Variants in KDM3A observed in about 807,000 individuals in gnomAD.
The protein encoded by KDM3A is lysine demethylase 3A.
KDM3A carries 60 observed loss-of-function variants against 158.0 expected under a neutral mutation model. The ratio of observed to expected loss-of-function variants is 0.38; its 90% CI spans 0.31 to 0.47. The LOEUF is 0.47. KDM3A is among the 20% of genes least tolerant of loss of function. The pLI is 0.99. For missense variants in KDM3A, 1,319 were observed against 1,574.3 expected, an observed-to-expected ratio of 0.84 and a Z score of 2.74; for synonymous variants, 608 against 549.3, an observed-to-expected ratio of 1.11 and a Z score of -1.49.
At chr2:86,466,927 G>T in intron 10 of KDM3A, 44 bp downstream of exon 10, 3 of 1,405,800 alleles carry the variant, frequency 2.1e-6, no homozygotes, top group Non-Finnish European at 2.9e-6. Flanking sequence ...GTAAGAAATG[G>T]TAGATATATA....
At chr2:86,446,843 A>T (rs1158786746) in intron 2 of KDM3A, among the ~76,000 whole-genome samples, 1 of 152,148 alleles carries the variant, frequency 6.6e-6, no homozygotes, top group Non-Finnish European at 1.5e-5. Flanking sequence ...ATGGGGTCTC[A>T]CTCTGTCACC....
In KDM3A at chr2:86,452,264, G is replaced by A. The variant is rs1004152190; in HGVS notation, c.453+1051G>A. Among the ~76,000 whole-genome samples the A allele has an allele frequency of 6.0e-5, 9 of 149,628 alleles. No homozygotes were observed. In the Admixed American group the frequency reaches 6.0e-4, roughly 10 times the overall value. ...AAAAGCAGTGCTGAAGTGCCATGAT[G>A]TGTCTTAAGAACAAAATACATGTGT... On this transcript the variant is annotated intron_variant, in intron 4 of 25. Coordinates refer to ENST00000312912, the MANE Select transcript of KDM3A (RefSeq NM_018433.6).
chr2:86,454,405 A>G (rs1298069289), intron 4 of KDM3A, among the ~76,000 whole-genome samples: 5 of 152,154 alleles, frequency 3.3e-5, no homozygotes, highest in African/African-American at 4.8e-5. Context: ...AATATGGAAA[A>G]AAGGGCTGCC....
intron 12 of KDM3A, 71 bp downstream of exon 12, chr2:86,475,061 C>A (rs974429820): frequency 1.5e-5 from 18 of 1,218,684 alleles, no homozygotes; most frequent in Non-Finnish European, 2.0e-5. Flanking sequence ...ACACCTAAGT[C>A]CTAATTGCTT....
chr2:86,442,078 G>C lies in KDM3A; in HGVS notation c.31G>C (p.Val11Leu). Reference protein sequence around the residue: MVLTLGESWPVLVGRRFLSLS... With the variant: MVLTLGESWPLLVGRRFLSLS... ...GCTCACGCTCGGAGAAAGTTGGCCG[G>C]TATTGGTGGGGAGGAGGTTTCTCAG... The change falls in exon 2 of 26, where the codon GTA (valine) becomes CTA (leucine). Residue 11 changes from valine (V) to leucine (L), a missense_variant. Transcript: ENST00000312912. The C allele has an allele frequency of 2.5e-6, 4 of 1,614,180 alleles. No homozygotes were observed. The highest frequency in any genetic ancestry group is 3.4e-6 in the Non-Finnish European group (4 of 1,180,016).
chr2:86,482,134 T>TA (rs768146830), intron 17 of KDM3A, 32 bp downstream of exon 17: 1 of 1,602,154 alleles, frequency 6.2e-7, no homozygotes, highest in South Asian at 1.1e-5. Flanking sequence ...TTCCATGTTT[T>TA]AAAGTTGAAG....
At chr2:86,477,721 C>A (rs1331964729) in intron 12 of KDM3A, among the ~76,000 whole-genome samples, 156 bp from the exon 13 acceptor site, 1 of 152,128 alleles carries the variant, frequency 6.6e-6, no homozygotes, top group African/African-American at 2.4e-5. Flanking sequence ...GATCCAGGAA[C>A]ACTTCATGGG....
intron 12 of KDM3A, among the ~76,000 whole-genome samples, chr2:86,475,894 A>G (rs1278710611): frequency 6.6e-6 from 1 of 152,246 alleles, no homozygotes; most frequent in African/African-American, 2.4e-5. Flanking sequence ...AAGCACAAAA[A>G]TAACTTATTG....
At chr2:86,442,901 A>G (rs981664276) in intron 2 of KDM3A, among the ~76,000 whole-genome samples, 1 of 152,054 alleles carries the variant, frequency 6.6e-6, no homozygotes, top group Non-Finnish European at 1.5e-5. Context: ...CTGCACTTGG[A>G]CGCATGAGGG....
chr2:86,491,595 AAC>A lies in KDM3A; in HGVS notation c.3885+321_3885+322del, dbSNP rs781482541. 1.4e-3 allele frequency: 516 copies of A among 380,534 alleles called. 1 individual carries two copies. Among genetic ancestry groups the A allele is most frequent in the African/African-American group, 6.9e-3 (343 of 49,704 alleles). 23.6% of individuals were successfully genotyped at this position (380,534 alleles called of 1,614,324 possible). ...TGTCGGGGTCTTGAACACAGTGCTT[AAC>A]CTTCAGTGCTGCAGTGTTCTCATCA... is the stretch of plus-strand genomic sequence containing the variant. On this transcript the variant is annotated intron_variant, in intron 25 of 25. Transcript: ENST00000312912.
At position 86,457,012 on chromosome 2, in the gene KDM3A, C is replaced by A; in HGVS notation, c.784C>A (p.Arg262Ser). The change falls in exon 8 of 26, where the codon CGC (arginine) becomes AGC (serine). Residue 262 changes from arginine to serine, a missense_variant. Arg to Ser is a moderately radical substitution (Grantham distance 110). Transcript: ENST00000312912. ...TTCTGCAAGAATTGGAGCTGTAAAA[C>A]GCAAGTCTTCTGAGAATAATGGAAC... ...GNSARIGAVKRKSSENNGTLV... is the reference protein window; with the variant it reads ...GNSARIGAVKSKSSENNGTLV... 6.2e-7 allele frequency: 1 copy of A among 1,603,412 alleles called. No individual in the cohort carries two copies. The highest frequency in any genetic ancestry group is 8.5e-7 in the Non-Finnish European group (1 of 1,173,710).
intron 10 of KDM3A, among the ~76,000 whole-genome samples, chr2:86,468,415 A>G (rs1558618704): frequency 6.6e-6 from 1 of 152,216 alleles, no homozygotes; most frequent in Non-Finnish European, 1.5e-5. Context: ...AGCAAATTTA[A>G]TATTATGTGA....
At chr2:86,491,740 A>G (rs967863089) in intron 25 of KDM3A, 3 of 356,302 alleles carry the variant, frequency 8.4e-6, no homozygotes, top group African/African-American at 6.3e-5. Flanking sequence ...AAAATAAGGG[A>G]AAAATGATAA....
chr2:86,491,937 A>AT (rs1336760857), intron 25 of KDM3A, 102 bp from the exon 26 acceptor site: 2 of 754,548 alleles, frequency 2.7e-6, no homozygotes, highest in African/African-American at 3.5e-5. Flanking sequence ...TGAATTTTAA[A>AT]TTCTGAGAGA....
At chr2:86,455,967 A>G (rs1276818583) in intron 5 of KDM3A, among the ~76,000 whole-genome samples, 1 of 151,806 alleles carries the variant, frequency 6.6e-6, no homozygotes, top group African/African-American at 2.4e-5. Flanking sequence ...AAAAAAAAAA[A>G]AAAAAAGAAA....
chr2:86,468,073 G>A (rs1314530211), intron 10 of KDM3A, among the ~76,000 whole-genome samples: 6 of 151,844 alleles, frequency 4.0e-5, no homozygotes, highest in Non-Finnish European at 8.8e-5. Context: ...TTATTTATTT[G>A]GATCAGTAAA....
chr2:86,478,459 A>G, intron 14 of KDM3A, 149 bp from the exon 15 acceptor site: 1 of 950,712 alleles, frequency 1.1e-6, no homozygotes, highest in South Asian at 1.7e-5. Flanking sequence ...AGAAAAGAAA[A>G]TGCATTTTGG....
intron 10 of KDM3A, among the ~76,000 whole-genome samples, chr2:86,469,367 T>A (rs1169899628): frequency 6.6e-6 from 1 of 152,162 alleles, no homozygotes; most frequent in African/African-American, 2.4e-5. Context: ...TCTTCTCAGC[T>A]CTCTGGGACC....
intron 3 of KDM3A, among the ~76,000 whole-genome samples, 175 bp downstream of exon 3, chr2:86,450,137 G>C (rs1672381340): frequency 1.3e-5 from 2 of 152,184 alleles, no homozygotes. Context: ...GTTGGACCTC[G>C]TGTTCACTTG....
Sources: allele counts gnomAD v4.1 joint callset (sites outside exome capture counted in the v4.1 genomes callset), GRCh38; gene constraint gnomAD v4.1.1; transcripts MANE v1.5; gene names NCBI Gene and HGNC (gene_info 2026-07-23, HGNC 2026-07-21).